The following MAF variants were observed in gnomAD, a reference collection of about 807,000 sequenced individuals.
The protein encoded by MAF is transcription factor Maf.
In MAF, 10 loss-of-function variants were observed where a neutral mutation model predicts 22.0. The observed-to-expected ratio is 0.45, with a 90% CI of 0.28 to 0.77. MAF has a LOEUF of 0.77. Among genes scored for constraint, MAF ranks in the 30% least tolerant of loss-of-function variants. The probability of loss-of-function intolerance (pLI) is 0.12; values close to 1 mark genes in which losing one functional copy is unlikely to be tolerated. For synonymous variants in MAF, 337 were observed against 255.8 expected, an observed-to-expected ratio of 1.32 and a Z score of -3.03; for missense variants, 544 against 548.4, an observed-to-expected ratio of 0.99 and a Z score of 0.08.
rs964303616 is a variant in MAF at position 79,600,185 on chromosome 16, G to A, written c.-283C>T. On this transcript the variant is annotated 5_prime_UTR_variant, in exon 1 of 2. Coordinates refer to ENST00000326043, the MANE Select transcript of MAF (RefSeq NM_005360.5). ...TTGCTCGCTCGCCTCCTTGCGCGCC[G>A]AGCCGGCGGCTTCAGGCTCGGGAAG... is the stretch of plus-strand genomic sequence containing the variant. 19 of 371,256 alleles carry A rather than the reference G, an allele frequency of 5.1e-5. No homozygotes were observed. Among genetic ancestry groups the A allele is most frequent in the Non-Finnish European group, 6.7e-5 (14 of 207,488 alleles). The allele number at this position is 371,256 out of a possible 1,614,324, so 23.0% of individuals were successfully genotyped here. A position where few individuals can be genotyped will look rare whatever the true frequency, so the allele number is the denominator to read the frequency against.
At chr16:79,499,441 G>A in the MAF span, among the ~76,000 whole-genome samples, 2 of 152,286 alleles carry the variant, frequency 1.3e-5, no homozygotes, top group South Asian at 4.2e-4. Flanking sequence ...TATAGTAGGC[G>A]GAACGGTGGC....
the MAF span, among the ~76,000 whole-genome samples, chr16:79,268,432 C>G: frequency 2.0e-5 from 3 of 152,132 alleles, no homozygotes; most frequent in Non-Finnish European, 2.9e-5. Context: ...AATGATGGCA[C>G]TAGCCTGTTA....
chr16:79,435,199 T>G, the MAF span, among the ~76,000 whole-genome samples: 2 of 152,102 alleles, frequency 1.3e-5, no homozygotes, highest in Non-Finnish European at 1.5e-5. Context: ...CACACACAGC[T>G]GTACACACAT....
the MAF span, among the ~76,000 whole-genome samples, chr16:79,233,803 C>G: frequency 1.3e-5 from 2 of 151,882 alleles, no homozygotes; most frequent in African/African-American, 2.4e-5. Context: ...ACCAGCCTGA[C>G]CAACATGGTG....
the MAF span, among the ~76,000 whole-genome samples, chr16:79,511,846 A>G: frequency 6.6e-6 from 1 of 152,228 alleles, no homozygotes; most frequent in Admixed American, 6.5e-5. Context: ...ATCTAGCTTC[A>G]GAGCTCATGG....
the MAF span, among the ~76,000 whole-genome samples, chr16:79,357,369 G>C: frequency 6.6e-6 from 1 of 152,210 alleles, no homozygotes; most frequent in Non-Finnish European, 1.5e-5. Context: ...AGAGTTGCTT[G>C]AACTTGGCAG....
the MAF span, among the ~76,000 whole-genome samples, chr16:79,232,020 G>A: frequency 6.6e-6 from 1 of 151,930 alleles, no homozygotes; most frequent in Non-Finnish European, 1.5e-5. Context: ...GCCCTCTTAT[G>A]ACAATCTAAT....
At chr16:79,502,708 A>C in the MAF span, among the ~76,000 whole-genome samples, 950 of 34,004 alleles carry the variant, frequency 0.028, 94 homozygotes, top group African/African-American at 0.082. Flanking sequence ...TATAAATATA[A>C]ATATATATAT....
At chr16:79,580,816 G>GA in the MAF span, among the ~76,000 whole-genome samples, 660 of 149,868 alleles carry the variant, frequency 4.4e-3, 6 homozygotes, top group South Asian at 0.028. Context: ...TTTAAAAGGA[G>GA]AAAAAAAAAA....
the MAF span, among the ~76,000 whole-genome samples, chr16:79,285,646 G>C: frequency 6.6e-6 from 1 of 152,084 alleles, no homozygotes; most frequent in Non-Finnish European, 1.5e-5. Context: ...CAGGGGTGGG[G>C]AATCCATTAC....
the MAF span, among the ~76,000 whole-genome samples, chr16:79,409,449 C>T: frequency 6.6e-6 from 1 of 152,150 alleles, no homozygotes; most frequent in East Asian, 1.9e-4. Context: ...GTTTGTGAAC[C>T]CTGTGTAGCC....
chr16:79,433,740 T>G, the MAF span, among the ~76,000 whole-genome samples: 1 of 152,202 alleles, frequency 6.6e-6, no homozygotes, highest in Non-Finnish European at 1.5e-5. Context: ...TGGATGATAG[T>G]ATCACATGAG....
At chr16:79,255,738 A>T in the MAF span, among the ~76,000 whole-genome samples, 3 of 152,164 alleles carry the variant, frequency 2.0e-5, no homozygotes, top group African/African-American at 7.2e-5. Context: ...CGCTCAGCTC[A>T]TCAAGACTGT....
the MAF span, among the ~76,000 whole-genome samples, chr16:79,432,379 T>C: frequency 2.0e-5 from 3 of 152,162 alleles, no homozygotes; most frequent in Admixed American, 1.3e-4. Flanking sequence ...ATACACCCTA[T>C]ATATACAGGT....
the MAF span, among the ~76,000 whole-genome samples, chr16:79,578,490 G>C: frequency 6.6e-6 from 1 of 151,872 alleles, no homozygotes; most frequent in Admixed American, 6.6e-5. Flanking sequence ...GTAGTGCTTT[G>C]TTTCTAGATA....
the MAF span, among the ~76,000 whole-genome samples, chr16:79,461,088 T>C: frequency 2.0e-5 from 3 of 152,202 alleles, no homozygotes; most frequent in East Asian, 5.8e-4. Context: ...GTCTATAAAG[T>C]AGGCATAACA....
chr16:79,529,222 G>C, the MAF span, among the ~76,000 whole-genome samples: 1 of 152,114 alleles, frequency 6.6e-6, no homozygotes, highest in African/African-American at 2.4e-5. Context: ...TCACTCATCA[G>C]TTACACCTTC....
chr16:79,526,693 T>G, the MAF span, among the ~76,000 whole-genome samples: 1 of 152,172 alleles, frequency 6.6e-6, no homozygotes, highest in Non-Finnish European at 1.5e-5. Context: ...CAAAACACTG[T>G]GGTAAGGGGT....
chr16:79,547,597 A>G, the MAF span, among the ~76,000 whole-genome samples: 1 of 152,174 alleles, frequency 6.6e-6, no homozygotes, highest in Non-Finnish European at 1.5e-5. Context: ...TATCCTGTAT[A>G]TTGCTATATA....
Sources: gnomAD v4.1 joint callset for allele counts (sites outside exome capture counted in the v4.1 genomes callset) on GRCh38, gnomAD v4.1.1 for gene constraint, MANE v1.5 for transcripts, NCBI Gene and HGNC (gene_info 2026-07-23, HGNC 2026-07-21) for gene names.